Variants in MRTFB observed in about 807,000 individuals in gnomAD.
MRTFB encodes myocardin related transcription factor B.
In MRTFB, 29 loss-of-function variants were observed where a neutral mutation model predicts 104.2. That is an observed-to-expected ratio of 0.28 (90% CI 0.21 to 0.38). MRTFB has a LOEUF of 0.38. MRTFB is among the 10% of genes least tolerant of loss of function. The pLI is 1.00. For missense variants in MRTFB, 1,270 were observed against 1,341.6 expected, an observed-to-expected ratio of 0.95 and a Z score of 0.83; for synonymous variants, 535 against 519.5, an observed-to-expected ratio of 1.03 and a Z score of -0.41.
intron 13 of MRTFB, among the ~76,000 whole-genome samples, chr16:14,251,532 T>C (rs2151430996): frequency 6.6e-6 from 1 of 152,350 alleles, no homozygotes; most frequent in Non-Finnish European, 1.5e-5. Flanking sequence ...GGCAAGTTAC[T>C]GCGTAAAGGG....
At chr16:14,110,062 G>T (rs977091031) in intron 2 of MRTFB, among the ~76,000 whole-genome samples, 1 of 152,170 alleles carries the variant, frequency 6.6e-6, no homozygotes, top group Non-Finnish European at 1.5e-5. Flanking sequence ...AGTAGAGCTT[G>T]TGTCTTATTT....
rs760038885 is a variant in MRTFB, at chr16:14,140,632, C to G, written c.26C>G (p.Thr9Ser). The G allele has an allele frequency of 6.2e-7, 1 of 1,614,150 alleles. No homozygotes were observed. Among genetic ancestry groups the G allele is most frequent in the African/African-American group, 1.3e-5 (1 of 75,030 alleles). The stretch of plus-strand genomic sequence containing the variant: ...ATGGATCACACAGGGGCGATAGACA[C>G]CGAGGATGAAGTGGGACCTTTAGCC... MDHTGAID[T>S]EDEVGPLAHL... Residue 9 changes from threonine (T) to serine (S), a missense_variant, in exon 3 of 17, where the codon ACC (threonine) becomes AGC (serine). Thr to Ser is a moderately conservative substitution (Grantham distance 58, BLOSUM62 1). Around this residue, in one of 3 missense-constraint regions of MRTFB, gnomAD observed 62 missense variants for 57.2 expected, o/e 1.08. Transcript: ENST00000571589.
chr16:14,207,668 C>A (rs577828906), intron 3 of MRTFB, among the ~76,000 whole-genome samples: 1 of 152,242 alleles, frequency 6.6e-6, no homozygotes, highest in East Asian at 1.9e-4. Flanking sequence ...AGGTGGTATA[C>A]CTAGAGAGGG....
chr16:14,234,298 T>C lies in MRTFB; in HGVS notation c.831+15T>C, dbSNP rs921303568. On this transcript the variant is annotated intron_variant, in intron 9 of 16. Transcript: ENST00000571589. ...CACTGGTGAAGGTGGGTACTTTGGA[T>C]ACACCCTGGGTTTGGTGGCTTTATT... 46 of 1,613,030 alleles carry C rather than the reference T, an allele frequency of 2.9e-5. No homozygotes were observed. Among genetic ancestry groups the C allele is most frequent in the Non-Finnish European group, 3.7e-5 (44 of 1,179,530 alleles).
At position 14,140,657 on chromosome 16, in the gene MRTFB, C is replaced by T. The variant is rs1361891131; in HGVS notation, c.51C>T (p.Ala17=). Residue 17 remains alanine (A), a synonymous_variant, in exon 3 of 17, where the codon GCC becomes GCT. Coordinates refer to ENST00000571589, the MANE Select transcript of MRTFB (RefSeq NM_001308142.2). ...IDTEDEVGPL[A]HLAPSPQSEA... ...CCGAGGATGAAGTGGGACCTTTAGC[C>T]CATCTTGCTCCAAGTCCTCAGAGTG... is the stretch of plus-strand genomic sequence containing the variant. The T allele has an allele frequency of 1.1e-5, 17 of 1,614,030 alleles. No individual in the cohort carries two copies. In the East Asian group the frequency reaches 1.1e-4, roughly 11 times the overall value.
At chr16:14,093,902 T>C (rs1317740660) in intron 2 of MRTFB, among the ~76,000 whole-genome samples, 1 of 152,178 alleles carries the variant, frequency 6.6e-6, no homozygotes, top group African/African-American at 2.4e-5. Flanking sequence ...CCTTATCAGC[T>C]CCTGGAAAAA....
At chr16:14,160,067 T>A (rs1180649643) in intron 3 of MRTFB, among the ~76,000 whole-genome samples, 1 of 152,154 alleles carries the variant, frequency 6.6e-6, no homozygotes, top group African/African-American at 2.4e-5. Context: ...AAGTTTAACA[T>A]TGGCATAGTA....
chr16:13,996,783 T>C, the MRTFB span, among the ~76,000 whole-genome samples: 1 of 152,206 alleles, frequency 6.6e-6, no homozygotes, highest in African/African-American at 2.4e-5. Flanking sequence ...ATACTTGAGA[T>C]GCCCCCAGTG....
the MRTFB span, among the ~76,000 whole-genome samples, chr16:14,036,561 A>G: frequency 6.7e-6 from 1 of 149,962 alleles, no homozygotes; most frequent in African/African-American, 2.4e-5. Context: ...ATATGTTGAA[A>G]TATATACATT....
the MRTFB span, among the ~76,000 whole-genome samples, chr16:14,007,085 C>A: frequency 6.6e-6 from 1 of 152,140 alleles, no homozygotes; most frequent in African/African-American, 2.4e-5. Flanking sequence ...GTACAAGTCA[C>A]CAATTTAAAA....
intron 2 of MRTFB, among the ~76,000 whole-genome samples, chr16:14,136,008 T>C (rs1389628003): frequency 6.6e-6 from 1 of 152,190 alleles, no homozygotes; most frequent in Non-Finnish European, 1.5e-5. Flanking sequence ...CGGTGGCTCA[T>C]GCCTGTAATT....
intron 15 of MRTFB, among the ~76,000 whole-genome samples, chr16:14,253,741 C>T (rs1025668456): frequency 1.3e-5 from 2 of 152,208 alleles, no homozygotes; most frequent in African/African-American, 4.8e-5. Flanking sequence ...CTACCACATG[C>T]TGCTTTGTAT....
chr16:14,036,674 T>C, the MRTFB span, among the ~76,000 whole-genome samples: 2 of 150,758 alleles, frequency 1.3e-5, no homozygotes, highest in Admixed American at 6.6e-5. Flanking sequence ...ATCATATATA[T>C]AGAAATATAT....
At chr16:14,212,273 G>A in intron 4 of MRTFB, 81 bp from the exon 5 acceptor site, 1 of 1,350,966 alleles carries the variant, frequency 7.4e-7, no homozygotes. Context: ...TTAATAATAG[G>A]GTTATCACCA....
In MRTFB at chr16:14,168,991, G is replaced by C. The variant is rs2039338049; in HGVS notation, c.154+28231G>C. On this transcript the variant is annotated intron_variant, in intron 3 of 16. Coordinates refer to ENST00000571589, the MANE Select transcript of MRTFB (RefSeq NM_001308142.2). ...TTTAATGTGCTTATGAGCTATTTAT[G>C]TGAAAGATTTTTTCCAAATCTTTTG... Among the ~76,000 whole-genome samples, 6 of 152,182 alleles carry C rather than the reference G, an allele frequency of 3.9e-5. No individual in the cohort carries two copies. The South Asian group carries it at 1.2e-3, about 32-fold the overall frequency.
the MRTFB span, among the ~76,000 whole-genome samples, chr16:14,054,623 G>T: frequency 0.33 from 49,761 of 151,918 alleles, 10,866 homozygotes; most frequent in African/African-American, 0.62. Context: ...ACAATGATTT[G>T]ATTTTATTTT....
intron 3 of MRTFB, among the ~76,000 whole-genome samples, chr16:14,202,943 A>G (rs540618304): frequency 2.0e-5 from 3 of 152,218 alleles, no homozygotes; most frequent in Non-Finnish European, 4.4e-5. Context: ...TATTTAAACA[A>G]TGCATAATAA....
At position 14,212,401 on chromosome 16, in the gene MRTFB, C is replaced by A. The variant is rs747894299; in HGVS notation, c.268C>A (p.Arg90=). ...CCATGAACAGATAAAAAGCTTGGAA[C>A]GAGCCAGAGTAAGACATTTCACTTT... ...AFHEQIKSLE[R]ARTENFLKHK... is the part of the protein sequence containing the mutation. Residue 90 remains arginine (R), a synonymous_variant, in exon 5 of 17, where the codon CGA becomes AGA. Transcript: ENST00000571589. 9.3e-6 allele frequency: 15 copies of A among 1,613,798 alleles called. No individual in the cohort carries two copies. Among genetic ancestry groups the A allele is most frequent in the Admixed American group, 5.0e-5 (3 of 59,998 alleles).
chr16:14,145,217 T>G (rs559889101), intron 3 of MRTFB, among the ~76,000 whole-genome samples: 3 of 151,690 alleles, frequency 2.0e-5, no homozygotes, highest in Non-Finnish European at 4.4e-5. Flanking sequence ...AAAATGCAGG[T>G]GTTGGCATCA....
Sources: gnomAD v4.1 joint callset for allele counts (sites outside exome capture counted in the v4.1 genomes callset) on GRCh38, gnomAD v4.1.1 for gene constraint, gnomAD v4.1.1 regional missense constraint, MANE v1.5 for transcripts, NCBI Gene and HGNC (gene_info 2026-07-23, HGNC 2026-07-21) for gene names.